The following LENG8 variants were observed in gnomAD, a reference collection of about 807,000 sequenced individuals.
LENG8 encodes leukocyte receptor cluster member 8.
LENG8 carries 28 observed loss-of-function variants against 102.1 expected under a neutral mutation model. The ratio of observed to expected loss-of-function variants is 0.27; its 90% confidence interval spans 0.20 to 0.38. The LOEUF is 0.38. LENG8 is among the 10% of genes least tolerant of loss of function. LENG8 has a pLI of 1.00. For missense variants in LENG8, 1,022 were observed against 1,113.9 expected (o/e 0.92, Z 1.17); for synonymous variants, 531 against 456.7 (o/e 1.16, Z -2.07).
At chr19:54,450,471 C>T (rs1005510972) in intron 1 of LENG8, among the ~76,000 whole-genome samples, 7 of 152,128 alleles carry the variant, frequency 4.6e-5, no homozygotes, top group Admixed American at 1.3e-4. Flanking sequence ...TTCTTCCAGC[C>T]CCCTCGATGC....
chr19:54,457,031 G>A, intron 11 of LENG8, 110 bp downstream of exon 11: 3 of 1,228,954 alleles, frequency 2.4e-6, no homozygotes, highest in Non-Finnish European at 3.3e-6. Flanking sequence ...GGTATGGCAG[G>A]GGAAGCTCGG....
Position 54,455,074 on chromosome 19 carries a change from A to G in LENG8, c.803A>G (p.Glu268Gly). ...GGTTTTGGCCCCCAGCCCAACCCTGAGAAAGTTCAGAACCACAGGTGACGT... is the reference window on the plus strand; with the variant it reads ...GGTTTTGGCCCCCAGCCCAACCCTGGGAAAGTTCAGAACCACAGGTGACGT... The part of the protein sequence containing the change: ...HSGFGPQPNP[E>G]KVQNHSGSSA... Residue 268 changes from glutamate to glycine, a missense_variant, in exon 7 of 16, where the codon GAG (glutamate) becomes GGG (glycine). This residue lies in a region of LENG8 where 343 missense variants were observed against 320.2 expected (regional missense o/e 1.07). Coordinates refer to ENST00000326764, the MANE Select transcript of LENG8 (RefSeq NM_052925.4). The G allele has an allele frequency of 6.2e-7, 1 of 1,614,168 alleles. No homozygotes were observed. The highest frequency in any genetic ancestry group is 8.5e-7 in the Non-Finnish European group (1 of 1,180,032).
At position 54,451,331 on chromosome 19, in the gene LENG8, A is replaced by AC. The variant is rs2083949727; in HGVS notation, c.-10dup. 3.7e-6 allele frequency: 6 copies of AC among 1,614,044 alleles called. No homozygotes were observed. The highest frequency in any genetic ancestry group is 5.1e-6 in the Non-Finnish European group (6 of 1,179,982). On this transcript the variant is annotated 5_prime_UTR_variant, in exon 2 of 16. Coordinates refer to ENST00000326764, the MANE Select transcript of LENG8 (RefSeq NM_052925.4). ...CTGGCTCCCGAGGTCCACCCCTTAT[A>AC]CCCCAAGGTCCAGATGGCGGCCAAC...
intron 3 of LENG8, among the ~76,000 whole-genome samples, 158 bp from the exon 4 acceptor site, chr19:54,452,493 T>C (rs1477137527): frequency 6.6e-6 from 1 of 152,220 alleles, no homozygotes; most frequent in Non-Finnish European, 1.5e-5. Context: ...GTCTCTAACG[T>C]GCGTGAGTCT....
chr19:54,451,048 CT>C (rs1330807347), intron 1 of LENG8, among the ~76,000 whole-genome samples: 2 of 152,166 alleles, frequency 1.3e-5, no homozygotes, highest in Non-Finnish European at 2.9e-5. Context: ...TCTGCTCTGG[CT>C]TCCCTGTTTC....
At position 54,456,071 on chromosome 19, in the gene LENG8, G is replaced by C; in HGVS notation, c.1130G>C (p.Gly377Ala). 1 of 1,609,470 alleles carries C rather than the reference G, an allele frequency of 6.2e-7. No individual in the cohort carries two copies. The highest frequency in any genetic ancestry group is 8.5e-7 in the Non-Finnish European group (1 of 1,177,066). The stretch of plus-strand genomic sequence containing the variant: ...GCAGGCTCGGCGACAAGGGGCGGGG[G>C]TGCCCCGTCCCAGCGAGGGACGCCC... ...RGAGSATRGGGAPSQRGTPGA... is the reference protein window; with the variant it reads ...RGAGSATRGGAAPSQRGTPGA... The change falls in exon 9 of 16, where the codon GGT becomes GCT. Residue 377 changes from glycine (G) to alanine (A), a missense_variant. By Grantham distance (60) the Gly-to-Ala change is moderately conservative. Coordinates refer to ENST00000326764, the MANE Select transcript of LENG8 (RefSeq NM_052925.4).
chr19:54,450,553 A>G (rs932326151), intron 1 of LENG8, among the ~76,000 whole-genome samples: 17 of 150,864 alleles, frequency 1.1e-4, no homozygotes, highest in African/African-American at 4.1e-4. Flanking sequence ...GGGTTCCCTC[A>G]GACTCTTCTC....
At chr19:54,460,716 C>T in intron 15 of LENG8, 50 bp from the exon 16 acceptor site, 2 of 1,392,550 alleles carry the variant, frequency 1.4e-6, no homozygotes, top group Non-Finnish European at 1.9e-6. Context: ...GGGGCCCTCC[C>T]CTGCCCTCCC....
Position 54,455,374 on chromosome 19 carries a change from G to GC in LENG8, c.835dup (p.Arg279ProfsTer10). On this transcript the variant is annotated frameshift_variant, in exon 8 of 16. Transcript: ENST00000326764. LOFTEE classifies it high-confidence loss of function. ...TCTGTCCTCCCGCAGCGGGTCCTCT[G>GC]CCCGGGGGAACCTGTCTGGGAAGCC... 1 of 1,614,152 alleles carries GC rather than the reference G, an allele frequency of 6.2e-7. No individual in the cohort carries two copies. The highest frequency in any genetic ancestry group is 8.5e-7 in the Non-Finnish European group (1 of 1,180,030).
intron 15 of LENG8, 200 bp from the exon 16 acceptor site, chr19:54,460,566 C>T (rs2084480951): frequency 1.4e-6 from 2 of 1,413,600 alleles, no homozygotes. Context: ...GAGGGGGGCA[C>T]AGGGGACTGG....
In LENG8 at chr19:54,458,242, A is replaced by T. The variant is rs750887322; in HGVS notation, c.2032+10A>T. ...ACCAAGAACTCGGGAGGTGAGGCCC[A>T]GTCCCCAGGACAGAGGCCATGGTAC... On this transcript the variant is annotated intron_variant, in intron 14 of 15. Coordinates refer to ENST00000326764, the MANE Select transcript of LENG8 (RefSeq NM_052925.4). The T allele has an allele frequency of 1.2e-6, 2 of 1,614,166 alleles. No homozygotes were observed. Among genetic ancestry groups the T allele is most frequent in the Non-Finnish European group, 1.7e-6 (2 of 1,180,008 alleles).
Position 54,455,551 on chromosome 19 carries a change from C to T in LENG8, c.1009C>T (p.Arg337Trp), listed in dbSNP as rs1420407205. The change falls in exon 8 of 16, where the codon CGG (arginine) becomes TGG (tryptophan). Residue 337 changes from arginine (R) to tryptophan (W), a missense_variant. Physicochemically the swap from Arg to Trp is moderately radical, Grantham distance 101 (BLOSUM62 -3). This residue lies in a region of LENG8 where 326 missense variants were observed against 324.5 expected (regional missense o/e 1.00). Transcript: ENST00000326764. ...CTCGGCCTATACCATTGACTGGAGCCGGGAGCCCTTGCCGGGGTTAGTCTG... is the reference window on the plus strand; with the variant it reads ...CTCGGCCTATACCATTGACTGGAGCTGGGAGCCCTTGCCGGGGTTAGTCTG... ...DGSAYTIDWS[R>W]EPLPGLTREP... 2 of 1,611,478 alleles carry T rather than the reference C, an allele frequency of 1.2e-6. No homozygotes were observed. Among genetic ancestry groups the T allele is most frequent in the Non-Finnish European group, 1.7e-6 (2 of 1,179,556 alleles).
intron 1 of LENG8, 137 bp downstream of exon 1, chr19:54,449,447 G>GGGGCAGCCACTGCGCCTGCGCAC (rs1416197107): frequency 1.3e-5 from 2 of 152,148 alleles, no homozygotes; most frequent in Non-Finnish European, 2.9e-5. Flanking sequence ...TGGCGGCGCA[G>GGGGCAGCCACTGCGCCTGCGCAC]GGGCAGCCAC....
At position 54,461,139 on chromosome 19, in the gene LENG8, G is replaced by C. The variant is rs1490376661; in HGVS notation, c.*211G>C. Reference sequence around the variant, plus strand: ...TTTTTGCCTCAGAGGGATGGGATTGGGGAGGAGGGGATGGGCAGCGGAGGG... The same window carrying C: ...TTTTTGCCTCAGAGGGATGGGATTGCGGAGGAGGGGATGGGCAGCGGAGGG... On this transcript the variant is annotated 3_prime_UTR_variant, in exon 16 of 16. Coordinates refer to ENST00000326764, the MANE Select transcript of LENG8 (RefSeq NM_052925.4). 6 of 775,706 alleles carry C rather than the reference G, an allele frequency of 7.7e-6. No homozygotes were observed. In the Admixed American group the frequency reaches 1.0e-4, roughly 13 times the overall value. 48.1% of individuals were successfully genotyped at this position (775,706 alleles called of 1,614,324 possible).
rs1269521371 is a variant in LENG8 at position 54,454,352 on chromosome 19, T to G, written c.427-78T>G. 13 of 1,454,372 alleles carry G rather than the reference T, an allele frequency of 8.9e-6. No individual in the cohort carries two copies. The East Asian group carries it at 3.0e-4, about 33-fold the overall frequency. 90.1% of individuals were successfully genotyped at this position (1,454,372 alleles called of 1,614,324 possible). A position where few individuals can be genotyped will look rare whatever the true frequency, so the allele number is the denominator to read the frequency against. ...AGTGCTGAGTGCTGTGACCACTGCG[T>G]CCTCACAGCGAGGGCTGAGTGCCAC... On this transcript the variant is annotated intron_variant, in intron 5 of 15. Coordinates refer to ENST00000326764, the MANE Select transcript of LENG8 (RefSeq NM_052925.4).
chr19:54,453,647 T>A lies in LENG8; in HGVS notation c.417T>A (p.Thr139=). The change falls in exon 5 of 16, where the codon ACT becomes ACA. Residue 139 remains threonine (T), a synonymous_variant. Coordinates refer to ENST00000326764, the MANE Select transcript of LENG8 (RefSeq NM_052925.4). ...QQPSAPQHQG[T]LNQPPVPGMD... ...CATCCGCACCCCAACACCAAGGGAC[T>A]CTGAACCAGGTAACATCCTAGCCCA... 6.2e-7 allele frequency: 1 copy of A among 1,612,728 alleles called. No homozygotes were observed. The highest frequency in any genetic ancestry group is 8.5e-7 in the Non-Finnish European group (1 of 1,179,122).
chr19:54,450,092 C>G (rs1293855577), intron 1 of LENG8, among the ~76,000 whole-genome samples: 1 of 152,220 alleles, frequency 6.6e-6, no homozygotes, highest in East Asian at 1.9e-4. Context: ...AGACACTCCA[C>G]TTTTCTTCCA....
Position 54,460,942 on chromosome 19 carries a change from AGGGGCG to A in LENG8, c.*20_*25del, listed in dbSNP as rs574239111. The A allele has an allele frequency of 4.5e-3, 6,970 of 1,542,110 alleles. 60 individuals carry two copies. The highest frequency in any genetic ancestry group is 0.013 in the South Asian group (1,088 of 84,096). On this transcript the variant is annotated 3_prime_UTR_variant, in exon 16 of 16. Coordinates refer to ENST00000326764, the MANE Select transcript of LENG8 (RefSeq NM_052925.4). ...TCAGCCTTCTGAGCACCCAGCGAGG[AGGGGCG>A]GGGGCAGGGGCTGCAGCCCCCAGCG... is the stretch of plus-strand genomic sequence containing the variant.
At chr19:54,460,128 C>G in intron 15 of LENG8, 1 of 1,289,922 alleles carries the variant, frequency 7.8e-7, no homozygotes, top group African/African-American at 1.5e-5. Context: ...CAGGAAAGCT[C>G]TGGCTTTGGA....
Sources: gnomAD v4.1 joint callset for allele counts (sites outside exome capture counted in the v4.1 genomes callset) on GRCh38, gnomAD v4.1.1 for gene constraint, gnomAD v4.1.1 regional missense constraint, MANE v1.5 for transcripts, NCBI Gene and HGNC (gene_info 2026-07-23, HGNC 2026-07-21) for gene names.